CACNA1D: variants seen among roughly 807,000 people sequenced by gnomAD.
CACNA1D encodes the protein calcium voltage-gated channel subunit alpha1 D.
CACNA1D carries 55 observed loss-of-function variants against 257.1 expected under a neutral mutation model. The observed-to-expected ratio is 0.21, with a 90% CI of 0.17 to 0.27. The LOEUF is 0.27. Ranked by LOEUF, CACNA1D falls within the 10% of genes least tolerant of loss-of-function variation. The pLI is 1.00. For missense variants in CACNA1D, 1,876 were observed against 2,784.0 expected, an observed-to-expected ratio of 0.67 and a Z score of 7.34; for synonymous variants, 980 against 1,014.9, an observed-to-expected ratio of 0.97 and a Z score of 0.65.
At chr3:53,711,207 T>C (rs2094751183) in intron 9 of CACNA1D, among the ~76,000 whole-genome samples, 1 of 152,128 alleles carries the variant, frequency 6.6e-6, no homozygotes, top group African/African-American at 2.4e-5. Flanking sequence ...TATTGCGCCA[T>C]TACACTCCAG....
intron 3 of CACNA1D, among the ~76,000 whole-genome samples, chr3:53,636,262 A>T (rs1177099930): frequency 6.6e-6 from 1 of 152,130 alleles, no homozygotes; most frequent in Non-Finnish European, 1.5e-5. Context: ...GTAACTCTCA[A>T]GCACACATAA....
intron 27 of CACNA1D, among the ~76,000 whole-genome samples, chr3:53,750,482 G>A (rs1303192940): frequency 1.3e-5 from 2 of 152,208 alleles, no homozygotes; most frequent in African/African-American, 4.8e-5. Context: ...GCCCAGGCAC[G>A]GCAAGCCAAC....
intron 3 of CACNA1D, among the ~76,000 whole-genome samples, chr3:53,540,049 T>G (rs2092253705): frequency 6.6e-6 from 1 of 152,180 alleles, no homozygotes; most frequent in Non-Finnish European, 1.5e-5. Context: ...TATCTTCACT[T>G]TCTTTATGGT....
At chr3:53,522,130 TG>T (rs1559787019) in intron 3 of CACNA1D, among the ~76,000 whole-genome samples, 1 of 152,016 alleles carries the variant, frequency 6.6e-6, no homozygotes, top group African/African-American at 2.4e-5. Flanking sequence ...AGCGAGAAGC[TG>T]GGGGAAAAAA....
intron 3 of CACNA1D, among the ~76,000 whole-genome samples, chr3:53,533,529 T>C (rs2092017036): frequency 1.3e-5 from 2 of 152,226 alleles, no homozygotes; most frequent in Non-Finnish European, 2.9e-5. Context: ...AAAAATGATT[T>C]GTTTTCCTGA....
chr3:53,809,110 C>T (rs2095582777), intron 46 of CACNA1D: 1 of 317,590 alleles, frequency 3.1e-6, no homozygotes, highest in Non-Finnish European at 5.9e-6. Flanking sequence ...GGCCACTTGG[C>T]TGATTCTGAA....
chr3:53,706,936 G>T (rs768152675), intron 9 of CACNA1D, among the ~76,000 whole-genome samples: 6 of 152,050 alleles, frequency 3.9e-5, no homozygotes, highest in Non-Finnish European at 7.4e-5. Context: ...CAGCCTCAGG[G>T]TGGGGCCTCC....
At position 53,548,785 on chromosome 3, in the gene CACNA1D, C is replaced by T. The variant is rs139164670; in HGVS notation, c.483+47065C>T. ...TTATTGTAGATACTGCAATAGTTTG[C>T]ATAAACGTTCCCATTTAACGTCCAC... On this transcript the variant is annotated intron_variant, in intron 3 of 47. Transcript: ENST00000350061. Among the ~76,000 whole-genome samples, 51 of 152,336 alleles carry T rather than the reference C, an allele frequency of 3.3e-4. 3 individuals are homozygous for T. In the East Asian group the frequency reaches 5.2e-3, roughly 16 times the overall value.
intron 3 of CACNA1D, among the ~76,000 whole-genome samples, chr3:53,504,161 TA>T (rs1164556960): frequency 6.6e-6 from 1 of 152,140 alleles, no homozygotes; most frequent in Non-Finnish European, 1.5e-5. Context: ...TCATCTGTAG[TA>T]AATACCTTTC....
intron 3 of CACNA1D, among the ~76,000 whole-genome samples, chr3:53,535,794 G>A (rs557173254): frequency 7.2e-5 from 11 of 152,150 alleles, no homozygotes; most frequent in South Asian, 4.1e-4. Context: ...GAGAAAAACT[G>A]CATTTTAGGT....
intron 3 of CACNA1D, among the ~76,000 whole-genome samples, chr3:53,557,756 T>G (rs2092673019): frequency 6.6e-6 from 1 of 152,252 alleles, no homozygotes; most frequent in Non-Finnish European, 1.5e-5. Context: ...CTGTTTTGAT[T>G]ACTACAGATT....
At chr3:53,565,940 C>G (rs1318568769) in intron 3 of CACNA1D, among the ~76,000 whole-genome samples, 1 of 152,184 alleles carries the variant, frequency 6.6e-6, no homozygotes, top group African/African-American at 2.4e-5. Flanking sequence ...AGTACACCCA[C>G]CTATTGAGGC....
chr3:53,603,019 T>A (rs1450016549), intron 3 of CACNA1D, among the ~76,000 whole-genome samples: 1 of 152,194 alleles, frequency 6.6e-6, no homozygotes, highest in Non-Finnish European at 1.5e-5. Flanking sequence ...CGTCACAGGA[T>A]GTTGTCATAT....
At chr3:53,655,208 C>T (rs763359362) in intron 4 of CACNA1D, among the ~76,000 whole-genome samples, 3 of 152,132 alleles carry the variant, frequency 2.0e-5, no homozygotes, top group Non-Finnish European at 2.9e-5. Context: ...TTTCTTTATC[C>T]AATCTGTATT....
At chr3:53,522,425 ACTT>A (rs1337621208) in intron 3 of CACNA1D, among the ~76,000 whole-genome samples, 1 of 149,772 alleles carries the variant, frequency 6.7e-6, no homozygotes, top group African/African-American at 2.6e-5. Context: ...AGGCAGAGAC[ACTT>A]CTTCTGCATA....
intron 3 of CACNA1D, among the ~76,000 whole-genome samples, chr3:53,600,891 C>T (rs1422967185): frequency 6.6e-6 from 1 of 152,158 alleles, no homozygotes; most frequent in East Asian, 1.9e-4. Flanking sequence ...AACAGATAAT[C>T]CTCCGTGATT....
At position 53,813,215 on chromosome 3, in the gene CACNA1D, T is replaced by C. The variant is rs899769661; in HGVS notation, c.*1809T>C. The C allele has an allele frequency of 2.0e-5, 3 of 150,892 alleles. No homozygotes were observed. The highest frequency in any genetic ancestry group is 4.4e-5 in the Non-Finnish European group (3 of 67,724). The allele number at this position is 150,892 out of a possible 1,614,324, so 9.3% of individuals were successfully genotyped here. On this transcript the variant is annotated 3_prime_UTR_variant, in exon 48 of 48. Coordinates refer to ENST00000350061, the MANE Select transcript of CACNA1D (RefSeq NM_001128840.3). ...AAACCTCTTCTTAAGACATTCTTAC[T>C]CTGATCCAGGCAAAAACACTTCAAG...
At chr3:53,590,723 C>T (rs147222920) in intron 3 of CACNA1D, among the ~76,000 whole-genome samples, 62 of 152,312 alleles carry the variant, frequency 4.1e-4, no homozygotes, top group African/African-American at 1.2e-3. Context: ...TGAGCCTGGG[C>T]GGCCGGGCAC....
At chr3:53,700,155 A>G (rs2094609692) in intron 8 of CACNA1D, among the ~76,000 whole-genome samples, 1 of 150,560 alleles carries the variant, frequency 6.6e-6, no homozygotes, top group Non-Finnish European at 1.5e-5. Context: ...TGCATTATAA[A>G]ATGAATGTCC....
Sources: allele counts gnomAD v4.1 joint callset (sites outside exome capture counted in the v4.1 genomes callset), GRCh38; gene constraint gnomAD v4.1.1; transcripts MANE v1.5; gene names NCBI Gene and HGNC (gene_info 2026-07-23, HGNC 2026-07-21).